TTC7B: variants seen among roughly 807,000 people sequenced by gnomAD.
TTC7B encodes tetratricopeptide repeat domain 7B.
In TTC7B, 28 loss-of-function variants were observed where a neutral mutation model predicts 106.8. The ratio of observed to expected loss-of-function variants is 0.26; its 90% CI spans 0.19 to 0.36. The LOEUF (loss-of-function observed/expected upper bound fraction) is 0.36. Among genes scored for constraint, TTC7B ranks in the 10% least tolerant of loss-of-function variants. The pLI is 1.00. For missense variants in TTC7B, 862 were observed against 1,076.4 expected (o/e 0.80, Z 2.79); for synonymous variants, 405 against 430.6 (o/e 0.94, Z 0.74).
At chr14:90,607,180 A>G (rs1892676304) in intron 17 of TTC7B, among the ~76,000 whole-genome samples, 1 of 152,216 alleles carries the variant, frequency 6.6e-6, no homozygotes. Flanking sequence ...AAAACAGAAA[A>G]AAAATAAATT....
At chr14:90,729,032 G>T (rs1889223068) in intron 5 of TTC7B, among the ~76,000 whole-genome samples, 1 of 152,232 alleles carries the variant, frequency 6.6e-6, no homozygotes, top group Non-Finnish European at 1.5e-5. Context: ...GCATCTTTGT[G>T]CCAAGGCCAT....
chr14:90,744,956 AT>A (rs1194302974), intron 3 of TTC7B, 34 bp from the exon 4 acceptor site: 4 of 1,609,108 alleles, frequency 2.5e-6, no homozygotes, highest in African/African-American at 1.3e-5. Flanking sequence ...AACTGAGTGA[AT>A]TTTTTTTCAT....
Position 90,610,639 on chromosome 14 carries a change from T to G in TTC7B, c.1966+103A>C, listed in dbSNP as rs150462619. 1.2e-5 allele frequency: 10 copies of G among 820,132 alleles called. No individual in the cohort carries two copies. The East Asian group carries it at 2.4e-4, about 20-fold the overall frequency. 50.8% of individuals were successfully genotyped at this position (820,132 alleles called of 1,614,324 possible). The stretch of plus-strand genomic sequence containing the variant: ...GTGTTTAAACTATTTGTGCAAGAAA[T>G]TTTTCCAACCCCAACCCGATCAGTC... On this transcript the variant is annotated intron_variant, in intron 17 of 19. Transcript: ENST00000328459.
At chr14:90,715,959 T>G (rs996043737) in intron 5 of TTC7B, among the ~76,000 whole-genome samples, 1 of 152,268 alleles carries the variant, frequency 6.6e-6, no homozygotes, top group African/African-American at 2.4e-5. Flanking sequence ...TTCATTATAC[T>G]GCCTTTCACA....
Position 90,657,112 on chromosome 14 carries a change from A to C in TTC7B, c.1341+62T>G. On this transcript the variant is annotated intron_variant, in intron 11 of 19. Transcript: ENST00000328459. The surrounding 1 kb of genome is among the most constrained non-coding windows in gnomAD (Gnocchi z 4.2). ...TTTCTCTCTGTGCCTCGACATGAAA[A>C]AAATGGGCAGTCCTGGCCCAGAGTC... 1.4e-6 allele frequency: 2 copies of C among 1,407,210 alleles called. No individual in the cohort carries two copies. The highest frequency in any genetic ancestry group is 2.0e-6 in the Non-Finnish European group (2 of 1,005,206). 87.2% of individuals were successfully genotyped at this position (1,407,210 alleles called of 1,614,324 possible).
intron 15 of TTC7B, among the ~76,000 whole-genome samples, chr14:90,636,507 A>G (rs1884950878): frequency 6.6e-6 from 1 of 151,864 alleles, no homozygotes; most frequent in Middle Eastern, 3.4e-3. Flanking sequence ...ATGATAAAGT[A>G]GAAAAAACCT....
At chr14:90,782,190 GAC>G (rs146558643) in intron 2 of TTC7B, among the ~76,000 whole-genome samples, 6,321 of 152,218 alleles carry the variant, frequency 0.042, 170 homozygotes, top group Non-Finnish European at 0.058. Flanking sequence ...TGGTGCAGTG[GAC>G]AAGCAGGACT....
Position 90,533,137 on chromosome 14 carries a change from A to G in TTC7B, c.*8231T>C, listed in dbSNP as rs1889325839. 1 of 152,458 alleles carries G rather than the reference A, an allele frequency of 6.6e-6. No individual in the cohort carries two copies. Among genetic ancestry groups the G allele is most frequent in the Non-Finnish European group, 1.5e-5 (1 of 68,256 alleles). The allele number at this position is 152,458 out of a possible 1,614,324, so 9.4% of individuals were successfully genotyped here. On this transcript the variant is annotated 3_prime_UTR_variant, in exon 20 of 20. Transcript: ENST00000328459. ...GTCCCGATGCAGGCTCCAGCCCAGCAGGCCCACAACCCGAGCCCTTGGGCC... is the reference window on the plus strand; with the variant it reads ...GTCCCGATGCAGGCTCCAGCCCAGCGGGCCCACAACCCGAGCCCTTGGGCC...
intron 17 of TTC7B, 81 bp downstream of exon 17, chr14:90,610,661 A>G (rs192894306): frequency 5.0e-6 from 5 of 998,758 alleles, no homozygotes; most frequent in African/African-American, 4.8e-5. Context: ...CAACCCGATC[A>G]GTCTCATCCC....
chr14:90,605,443 C>A (rs1417815015), intron 17 of TTC7B, among the ~76,000 whole-genome samples: 1 of 152,230 alleles, frequency 6.6e-6, no homozygotes, highest in South Asian at 2.1e-4. Flanking sequence ...AGGTTTCCTT[C>A]TGCCCCAAAC....
At chr14:90,620,922 G>A (rs1208480754) in intron 15 of TTC7B, among the ~76,000 whole-genome samples, 4 of 152,236 alleles carry the variant, frequency 2.6e-5, no homozygotes, top group Non-Finnish European at 5.9e-5. Context: ...CAGACAGGAA[G>A]AACAATGGTA....
intron 4 of TTC7B, among the ~76,000 whole-genome samples, chr14:90,743,421 CTT>C (rs1269370069): frequency 6.6e-6 from 1 of 152,186 alleles, no homozygotes; most frequent in African/African-American, 2.4e-5. Flanking sequence ...GCTAGGGAGA[CTT>C]TGGCAGTCTC....
chr14:90,587,542 G>A (rs968440100), intron 18 of TTC7B, among the ~76,000 whole-genome samples: 2 of 152,220 alleles, frequency 1.3e-5, no homozygotes, highest in African/African-American at 4.8e-5. Context: ...CACTGCCCAA[G>A]TGTGTGCAGG....
At chr14:90,694,200 T>C (rs2401910) in intron 6 of TTC7B, among the ~76,000 whole-genome samples, 123,211 of 152,118 alleles carry the variant, frequency 0.81, 50,181 homozygotes, top group East Asian at 0.99. Context: ...ATTGTGCGAT[T>C]GCACTCCAAC....
At chr14:90,767,373 T>A (rs1890724638) in intron 3 of TTC7B, among the ~76,000 whole-genome samples, 1 of 152,226 alleles carries the variant, frequency 6.6e-6, no homozygotes, top group South Asian at 2.1e-4. Context: ...TTTGAATGTG[T>A]CCCATTAAAA....
chr14:90,811,306 C>T (rs2030889705), intron 1 of TTC7B, among the ~76,000 whole-genome samples: 1 of 152,198 alleles, frequency 6.6e-6, no homozygotes, highest in Non-Finnish European at 1.5e-5. Context: ...GTGTCCTTCC[C>T]CACATTCTGG....
At chr14:90,614,000 C>T (rs533816297) in intron 16 of TTC7B, among the ~76,000 whole-genome samples, 3 of 152,272 alleles carry the variant, frequency 2.0e-5, no homozygotes, top group Non-Finnish European at 2.9e-5. Flanking sequence ...GGTGGTGGGG[C>T]GGGCTTGGAG....
intron 5 of TTC7B, among the ~76,000 whole-genome samples, chr14:90,700,657 C>T (rs2139953844): frequency 6.6e-6 from 1 of 150,982 alleles, no homozygotes; most frequent in East Asian, 2.0e-4. Flanking sequence ...GAGATACATC[C>T]CATCATCATA....
intron 4 of TTC7B, among the ~76,000 whole-genome samples, chr14:90,743,961 C>T (rs1312268773): frequency 6.6e-6 from 1 of 152,198 alleles, no homozygotes; most frequent in African/African-American, 2.4e-5. Flanking sequence ...CTCAGAGGCC[C>T]TCTTGTCAGC....
Sources: gnomAD v4.1 joint callset for allele counts (sites outside exome capture counted in the v4.1 genomes callset) on GRCh38, gnomAD v4.1.1 for gene constraint, Gnocchi (gnomAD v3.1) non-coding constraint, MANE v1.5 for transcripts, NCBI Gene and HGNC (gene_info 2026-07-23, HGNC 2026-07-21) for gene names.